HDLBP: variants seen among roughly 807,000 people sequenced by gnomAD.
The protein encoded by HDLBP is vigilin.
In HDLBP, 30 loss-of-function variants were observed where a neutral mutation model predicts 137.3. The observed-to-expected ratio is 0.22, with a 90% CI of 0.16 to 0.30. The LOEUF is 0.30. HDLBP is among the 10% of genes least tolerant of loss of function. The probability of loss-of-function intolerance (pLI) is 1.00; values close to 1 mark genes in which losing one functional copy is unlikely to be tolerated. For missense variants in HDLBP, 1,119 were observed against 1,667.3 expected, an observed-to-expected ratio of 0.67 and a Z score of 5.73; for synonymous variants, 606 against 596.0, an observed-to-expected ratio of 1.02 and a Z score of -0.24.
intron 9 of HDLBP, 46 bp from the exon 10 acceptor site, chr2:241,253,543 C>T (rs780914315): frequency 1.5e-6 from 2 of 1,341,180 alleles, no homozygotes; most frequent in East Asian, 4.6e-5. Context: ...AATGGCACAG[C>T]TGCAGCCCCT....
chr2:241,305,621 G>A (rs1239585192), intron 1 of HDLBP, among the ~76,000 whole-genome samples: 4 of 152,176 alleles, frequency 2.6e-5, no homozygotes, highest in Non-Finnish European at 5.9e-5. Context: ...ATGATTGTAG[G>A]TCACGACAAC....
intron 16 of HDLBP, chr2:241,246,432 C>T: frequency 7.0e-6 from 2 of 284,536 alleles, no homozygotes; most frequent in Non-Finnish European, 1.3e-5. Flanking sequence ...GTACAATTTA[C>T]TGCATGTCAA....
At chr2:241,250,804 G>A (rs2072079217) in intron 11 of HDLBP, 1 of 152,422 alleles carries the variant, frequency 6.6e-6, no homozygotes, top group Admixed American at 6.5e-5. Context: ...AAGAGAAGCA[G>A]AGGACATGGG....
intron 1 of HDLBP, chr2:241,271,197 T>C (rs929381125): frequency 1.1e-6 from 1 of 918,692 alleles, no homozygotes; most frequent in African/African-American, 1.8e-5. Flanking sequence ...ATTCTGGCTC[T>C]CCCAACTACT....
Position 241,257,522 on chromosome 2 carries a change from C to T in HDLBP, c.451-716G>A, listed in dbSNP as rs138665933. ...CTGGGATTGCAGGTGTGAGCCACTG[C>T]GCCTGGCCAAAAGATGTGTTTCTAA... On this transcript the variant is annotated intron_variant, in intron 5 of 27. Transcript: ENST00000310931. 6.9e-4 allele frequency among the ~76,000 whole-genome samples: 105 copies of T among 152,028 alleles called. 2 individuals carry two copies. In the East Asian group the frequency reaches 0.016, roughly 24 times the overall value.
intron 1 of HDLBP, among the ~76,000 whole-genome samples, chr2:241,285,805 G>A (rs1448220306): frequency 6.6e-6 from 1 of 152,152 alleles, no homozygotes; most frequent in Non-Finnish European, 1.5e-5. Context: ...AAGGCAGAAG[G>A]ATCACTTGAG....
intron 3 of HDLBP, 37 bp downstream of exon 3, chr2:241,266,757 A>G (rs1416384475): frequency 7.7e-7 from 1 of 1,292,992 alleles, no homozygotes; most frequent in South Asian, 1.2e-5. Context: ...GCAATGCCTT[A>G]GACATTACCA....
intron 24 of HDLBP, 76 bp from the exon 25 acceptor site, chr2:241,231,020 T>C: frequency 2.3e-6 from 3 of 1,318,836 alleles, no homozygotes; most frequent in Non-Finnish European, 3.2e-6. Flanking sequence ...CGGCCCCCAC[T>C]GCTGAGGAAA....
intron 12 of HDLBP, among the ~76,000 whole-genome samples, 185 bp downstream of exon 12, chr2:241,249,656 A>G (rs1195977740): frequency 6.6e-6 from 1 of 152,198 alleles, no homozygotes; most frequent in Non-Finnish European, 1.5e-5. Flanking sequence ...GGAGAACAAG[A>G]CGTGCAGGTG....
At chr2:241,283,138 T>C (rs1213546628) in intron 1 of HDLBP, among the ~76,000 whole-genome samples, 1 of 152,198 alleles carries the variant, frequency 6.6e-6, no homozygotes. Context: ...GTGGTCTGGC[T>C]AGAAGATTAA....
intron 1 of HDLBP, among the ~76,000 whole-genome samples, chr2:241,310,656 G>T (rs1017943109): frequency 1.0e-5 from 1 of 98,500 alleles, no homozygotes; most frequent in African/African-American, 3.4e-5. Flanking sequence ...TAGAATTCTA[G>T]AGAGAGAGAG....
rs1434225840 is a variant in HDLBP at position 241,239,353 on chromosome 2, TCTC to T, written c.2610+246_2610+248del. 2.0e-5 allele frequency among the ~76,000 whole-genome samples: 3 copies of T among 152,040 alleles called. No individual in the cohort carries two copies. The highest frequency in any genetic ancestry group is 4.4e-5 in the Non-Finnish European group (3 of 68,000). On this transcript the variant is annotated intron_variant, in intron 19 of 27. Coordinates refer to ENST00000310931, the MANE Select transcript of HDLBP (RefSeq NM_005336.6). The surrounding 1 kb of genome is among the most constrained non-coding windows in gnomAD (Gnocchi z 4.6). ...CTTTCTTTCCTCTCTCTCTCTCCCC[TCTC>T]CTCTTCTCCTTCTCTCTCTCTTTTT...
intron 24 of HDLBP, among the ~76,000 whole-genome samples, chr2:241,232,905 G>A (rs1404452076): frequency 6.6e-6 from 1 of 152,114 alleles, no homozygotes; most frequent in Non-Finnish European, 1.5e-5. Context: ...GGAGGAGGCA[G>A]GGTGCAGGAG....
At chr2:241,284,436 G>C (rs1048174150) in intron 1 of HDLBP, among the ~76,000 whole-genome samples, 2 of 152,210 alleles carry the variant, frequency 1.3e-5, no homozygotes, top group Non-Finnish European at 2.9e-5. Context: ...GATAAAACGT[G>C]AACAGATGAG....
chr2:241,288,955 A>G (rs1301250136), intron 1 of HDLBP, among the ~76,000 whole-genome samples: 22 of 152,252 alleles, frequency 1.4e-4, no homozygotes, highest in Admixed American at 1.4e-3. Context: ...TTTACACTTG[A>G]TGATTTTTTC....
chr2:241,297,931 C>T (rs926442788), intron 1 of HDLBP, among the ~76,000 whole-genome samples: 6 of 150,428 alleles, frequency 4.0e-5, no homozygotes, highest in African/African-American at 1.5e-4. Context: ...ATCTGCAGTC[C>T]CAGCTACCGG....
At chr2:241,263,031 C>A in intron 4 of HDLBP, 105 bp from the exon 5 acceptor site, 1 of 837,708 alleles carries the variant, frequency 1.2e-6, no homozygotes, top group Non-Finnish European at 1.9e-6. Flanking sequence ...CAAAGCAGCC[C>A]CACCCTGCCC....
intron 1 of HDLBP, among the ~76,000 whole-genome samples, chr2:241,289,404 C>T (rs376775901): frequency 7.2e-5 from 11 of 152,204 alleles, no homozygotes; most frequent in African/African-American, 1.9e-4. Flanking sequence ...ACTTATATAA[C>T]TGTCTCCACA....
At position 241,256,728 on chromosome 2, in the gene HDLBP, C is replaced by G. The variant is rs2072643874; in HGVS notation, c.529G>C (p.Glu177Gln). ...TGGATTTTGGTTGCAGTTTTTAGCT[C>G]CAAGTCTTGCAGTTTCTCTCCATTT... is the stretch of plus-strand genomic sequence containing the variant. ...GKNGEKLQDL[E>Q]LKTATKIQIP... The change falls in exon 6 of 28, where the codon GAG becomes CAG. Residue 177 changes from glutamate (E) to glutamine (Q), a missense_variant. Around this residue, in one of 4 missense-constraint regions of HDLBP, gnomAD observed 425 missense variants for 693.9 expected, o/e 0.61. Transcript: ENST00000310931. 1 of 1,614,074 alleles carries G rather than the reference C, an allele frequency of 6.2e-7. No homozygotes were observed. Among genetic ancestry groups the G allele is most frequent in the Non-Finnish European group, 8.5e-7 (1 of 1,180,046 alleles).
Sources: allele counts gnomAD v4.1 joint callset (sites outside exome capture counted in the v4.1 genomes callset), GRCh38; gene constraint gnomAD v4.1.1; regional missense constraint gnomAD v4.1.1; non-coding constraint Gnocchi (gnomAD v3.1); transcripts MANE v1.5; gene names NCBI Gene and HGNC (gene_info 2026-07-23, HGNC 2026-07-21).